Variants in XKR4 observed in about 807,000 individuals in gnomAD.
XKR4 encodes the protein XK-related protein 4.
Under a neutral mutation model 53.9 loss-of-function variants are expected in XKR4, and 12 were observed. The ratio of observed to expected loss-of-function variants is 0.22; its 90% CI spans 0.14 to 0.36. The LOEUF is 0.36. Among genes scored for constraint, XKR4 ranks in the 10% least tolerant of loss-of-function variants. The pLI, the probability that XKR4 is intolerant of heterozygous loss-of-function variation, is 1.00. For synonymous variants in XKR4, 354 were observed against 362.4 expected (o/e 0.98, Z 0.26); for missense variants, 799 against 859.5 (o/e 0.93, Z 0.88).
intron 1 of XKR4, among the ~76,000 whole-genome samples, chr8:55,160,674 T>G (rs1213837802): frequency 6.6e-6 from 1 of 152,220 alleles, no homozygotes; most frequent in African/African-American, 2.4e-5. Context: ...TTCATTGTTG[T>G]TATATTCGGT....
chr8:55,230,056 T>A (rs1818010429), intron 1 of XKR4, among the ~76,000 whole-genome samples: 1 of 152,128 alleles, frequency 6.6e-6, no homozygotes, highest in Non-Finnish European at 1.5e-5. Context: ...GCAATCATTT[T>A]CTAAGCACAC....
intron 1 of XKR4, among the ~76,000 whole-genome samples, chr8:55,141,123 C>T (rs925366903): frequency 1.3e-5 from 2 of 152,094 alleles, no homozygotes; most frequent in African/African-American, 4.8e-5. Flanking sequence ...AGTCCCCATT[C>T]CCCTCCCACC....
chr8:55,468,360 AACAG>A (rs1805813234), intron 2 of XKR4, among the ~76,000 whole-genome samples: 1 of 152,268 alleles, frequency 6.6e-6, no homozygotes, highest in African/African-American at 2.4e-5. Context: ...AGTATTTGAA[AACAG>A]ACAGAAGTAT....
At chr8:55,229,387 C>G (rs1817999899) in intron 1 of XKR4, among the ~76,000 whole-genome samples, 1 of 152,240 alleles carries the variant, frequency 6.6e-6, no homozygotes, top group African/African-American at 2.4e-5. Flanking sequence ...AGCTGGCGCT[C>G]CCTTCCCGGA....
intron 1 of XKR4, among the ~76,000 whole-genome samples, chr8:55,355,439 G>GA (rs1375733049): frequency 6.6e-6 from 1 of 152,094 alleles, no homozygotes; most frequent in African/African-American, 2.4e-5. Context: ...CAATGGATTA[G>GA]AAAAAATACT....
chr8:55,139,934 C>T (rs1229462472), intron 1 of XKR4, among the ~76,000 whole-genome samples: 1 of 152,144 alleles, frequency 6.6e-6, no homozygotes, highest in East Asian at 1.9e-4. Context: ...AAGCACATAT[C>T]CTTAATTTAC....
At chr8:55,111,263 G>C (rs975669934) in intron 1 of XKR4, among the ~76,000 whole-genome samples, 1 of 151,910 alleles carries the variant, frequency 6.6e-6, no homozygotes, top group Non-Finnish European at 1.5e-5. Flanking sequence ...CCTCCTTCTG[G>C]GTCTTAATTT....
At chr8:55,348,507 G>A (rs1391051512) in intron 1 of XKR4, among the ~76,000 whole-genome samples, 2 of 152,312 alleles carry the variant, frequency 1.3e-5, no homozygotes, top group Admixed American at 6.5e-5. Flanking sequence ...CTCTTCAAGT[G>A]TGCAAAGGGT....
In XKR4 at chr8:55,523,692, C is replaced by A; in HGVS notation, c.1418C>A (p.Ala473Asp). Reference sequence around the variant, plus strand: ...CTTTTGGAAAATACAGCCTTGAGTGCCCTCTGGTACCTCTACAAGGCTCCC... The same window carrying A: ...CTTTTGGAAAATACAGCCTTGAGTGACCTCTGGTACCTCTACAAGGCTCCC... Reference protein sequence around the residue: ...VILLENTALSALWYLYKAPQI... With the variant: ...VILLENTALSDLWYLYKAPQI... Residue 473 changes from alanine to aspartate, a missense_variant, in exon 3 of 3, where the codon GCC becomes GAC. By Grantham distance (126) the Ala-to-Asp change is moderately radical. Coordinates refer to ENST00000327381, the MANE Select transcript of XKR4 (RefSeq NM_052898.2). 6.2e-7 allele frequency: 1 copy of A among 1,614,124 alleles called. No homozygotes were observed. The highest frequency in any genetic ancestry group is 8.5e-7 in the Non-Finnish European group (1 of 1,180,022).
chr8:55,262,231 A>G (rs1381069374), intron 1 of XKR4, among the ~76,000 whole-genome samples: 2 of 152,232 alleles, frequency 1.3e-5, no homozygotes, highest in Non-Finnish European at 2.9e-5. Flanking sequence ...CCTTCTGTGA[A>G]CTAGTTATTT....
intron 2 of XKR4, among the ~76,000 whole-genome samples, chr8:55,373,424 C>T (rs1804101114): frequency 6.6e-6 from 1 of 152,166 alleles, no homozygotes; most frequent in Admixed American, 6.5e-5. Context: ...GCCTTGGCCT[C>T]CCAAAGTACT....
intron 1 of XKR4, among the ~76,000 whole-genome samples, chr8:55,151,569 GTACTTAAGAAACATTTATA>G (rs1816840631): frequency 6.6e-6 from 1 of 152,114 alleles, no homozygotes. Flanking sequence ...ATAGTAGAGT[GTACTTAAGAAACATTTATA>G]TATTGTTTTT....
intron 2 of XKR4, among the ~76,000 whole-genome samples, chr8:55,497,785 C>A (rs1001769274): frequency 2.0e-5 from 3 of 152,348 alleles, no homozygotes; most frequent in South Asian, 2.1e-4. Context: ...AGTGACCACA[C>A]AACAGCCTGG....
intron 1 of XKR4, among the ~76,000 whole-genome samples, chr8:55,199,225 A>G (rs1241561719): frequency 6.6e-6 from 1 of 152,208 alleles, no homozygotes; most frequent in Non-Finnish European, 1.5e-5. Context: ...TTGTTTACAA[A>G]AAAGAAAAAA....
intron 2 of XKR4, among the ~76,000 whole-genome samples, chr8:55,430,649 G>A (rs966090704): frequency 1.3e-5 from 2 of 152,176 alleles, no homozygotes; most frequent in Admixed American, 1.3e-4. Flanking sequence ...TTAGTGCTAG[G>A]ACTGTCTTAG....
intron 1 of XKR4, among the ~76,000 whole-genome samples, chr8:55,353,832 G>A (rs549163082): frequency 3.3e-5 from 5 of 152,268 alleles, no homozygotes; most frequent in South Asian, 2.1e-4. Context: ...GCCGTGCAGC[G>A]GTGGGAGAAA....
At chr8:55,346,366 G>A (rs367874774) in intron 1 of XKR4, among the ~76,000 whole-genome samples, 8 of 152,102 alleles carry the variant, frequency 5.3e-5, no homozygotes, top group African/African-American at 1.9e-4. Flanking sequence ...GATTAGAGGC[G>A]TGAGCCACCA....
At position 55,332,662 on chromosome 8, in the gene XKR4, G is replaced by C. The variant is rs148852792; in HGVS notation, c.807-25016G>C. Among the ~76,000 whole-genome samples the C allele has an allele frequency of 1.4e-4, 21 of 152,122 alleles. No individual in the cohort carries two copies. The East Asian group carries it at 3.9e-3, about 28-fold the overall frequency. ...GTCTGCAAGGTTTCAGCTAAGAAAA[G>C]TGTTAATTATCTTATTGAGTATAAT... On this transcript the variant is annotated intron_variant, in intron 1 of 2. Coordinates refer to ENST00000327381, the MANE Select transcript of XKR4 (RefSeq NM_052898.2).
chr8:55,221,754 C>T (rs1361950208), intron 1 of XKR4, among the ~76,000 whole-genome samples: 2 of 152,198 alleles, frequency 1.3e-5, no homozygotes, highest in Non-Finnish European at 1.5e-5. Context: ...TGGACTCGCT[C>T]GCTGTCTTAC....
Sources: allele counts gnomAD v4.1 joint callset (sites outside exome capture counted in the v4.1 genomes callset), GRCh38; gene constraint gnomAD v4.1.1; transcripts MANE v1.5; gene names NCBI Gene and HGNC (gene_info 2026-07-23, HGNC 2026-07-21).